Variants in PPIG observed in about 807,000 individuals in gnomAD.
PPIG encodes the protein peptidylprolyl isomerase G, also known as peptidyl-prolyl cis-trans isomerase G.
PPIG carries 26 observed loss-of-function variants against 87.9 expected under a neutral mutation model. The observed-to-expected ratio is 0.30, with a 90% CI of 0.22 to 0.41. The LOEUF is 0.41. PPIG is among the 10% of genes least tolerant of loss of function. The pLI is 1.00. For synonymous variants in PPIG, 308 were observed against 276.5 expected, an observed-to-expected ratio of 1.11 and a Z score of -1.13; for missense variants, 722 against 879.4, an observed-to-expected ratio of 0.82 and a Z score of 2.26.
intron 9 of PPIG, among the ~76,000 whole-genome samples, chr2:169,629,373 T>G (rs959837037): frequency 6.6e-6 from 1 of 152,352 alleles, no homozygotes; most frequent in East Asian, 1.9e-4. Flanking sequence ...TCCTAAATAC[T>G]AAAAATCCTG....
chr2:169,636,285 A>T, intron 13 of PPIG, 57 bp downstream of exon 13: 1 of 1,518,634 alleles, frequency 6.6e-7, no homozygotes, highest in Non-Finnish European at 8.8e-7. Context: ...TTTTACTATT[A>T]TACATAAAGT....
intron 10 of PPIG, chr2:169,631,499 G>C (rs1657678895): frequency 1.8e-5 from 18 of 1,009,038 alleles, no homozygotes; most frequent in Non-Finnish European, 2.3e-5. Flanking sequence ...AGAGTGCATT[G>C]CTCACATAGT....
chr2:169,636,736 A>T lies in PPIG; in HGVS notation c.1478A>T (p.Asp493Val), dbSNP rs1574467749. The T allele has an allele frequency of 1.9e-6, 3 of 1,612,438 alleles. No individual in the cohort carries two copies. The East Asian group carries it at 6.7e-5, about 36-fold the overall frequency. Residue 493 changes from aspartate to valine, a missense_variant, in exon 14 of 14, where the codon GAT becomes GTT. Around this residue, in one of 4 missense-constraint regions of PPIG, gnomAD observed 476 missense variants for 483.1 expected, o/e 0.99. Coordinates refer to ENST00000260970, the MANE Select transcript of PPIG (RefSeq NM_004792.3). ...ATGAGGTCAAGGAGTAAAGGAAGGG[A>T]TCATGAAAATGTTAAAGAAAAAGAA... ...KRMRSRSKGR[D>V]HENVKEKEKQ...
At chr2:169,586,092 A>G (rs1342563670) in intron 1 of PPIG, among the ~76,000 whole-genome samples, 1 of 152,108 alleles carries the variant, frequency 6.6e-6, no homozygotes, top group Non-Finnish European at 1.5e-5. Context: ...ACGAGTTGGG[A>G]CAGAATTATT....
At position 169,637,340 on chromosome 2, in the gene PPIG, A is replaced by C; in HGVS notation, c.2082A>C (p.Gln694His). 2 of 1,607,014 alleles carry C rather than the reference A, an allele frequency of 1.2e-6. No individual in the cohort carries two copies. The highest frequency in any genetic ancestry group is 8.5e-7 in the Non-Finnish European group (1 of 1,178,536). The change falls in exon 14 of 14, where the codon CAA (glutamine) becomes CAC (histidine). Residue 694 changes from glutamine (Q) to histidine (H), a missense_variant. Around this residue, in one of 4 missense-constraint regions of PPIG, gnomAD observed 476 missense variants for 483.1 expected, o/e 0.99. Transcript: ENST00000260970. ...AAAGTCCCTTCTCAAAAATAAAACAAAGCAGTCAGGACAATGAATTAAAGT... is the reference window on the plus strand; with the variant it reads ...AAAGTCCCTTCTCAAAAATAAAACACAGCAGTCAGGACAATGAATTAAAGT... ...RDQSPFSKIKQSSQDNELKSS... is the reference protein window; with the variant it reads ...RDQSPFSKIKHSSQDNELKSS...
At chr2:169,631,009 T>A (rs750823357) in intron 10 of PPIG, 22 bp downstream of exon 10, 1 of 1,534,040 alleles carries the variant, frequency 6.5e-7, no homozygotes, top group African/African-American at 1.4e-5. Context: ...ACTTTTCTAA[T>A]GCTAGCTTTA....
intron 4 of PPIG, among the ~76,000 whole-genome samples, chr2:169,604,582 T>C (rs1685269417): frequency 6.6e-6 from 1 of 152,056 alleles, no homozygotes; most frequent in Admixed American, 6.6e-5. Context: ...CTTAGAAATA[T>C]TATGGCTGGG....
chr2:169,599,382 C>G (rs1338146621), intron 1 of PPIG, among the ~76,000 whole-genome samples: 1 of 151,612 alleles, frequency 6.6e-6, no homozygotes, highest in Non-Finnish European at 1.5e-5. Flanking sequence ...TTTTAAAAAG[C>G]TTATTTTCTT....
At chr2:169,591,990 G>C (rs1474877105) in intron 1 of PPIG, among the ~76,000 whole-genome samples, 1 of 123,646 alleles carries the variant, frequency 8.1e-6, no homozygotes, top group African/African-American at 3.1e-5. Flanking sequence ...GTAGTGGCAT[G>C]ATGACTGCTC....
At chr2:169,591,330 T>C (rs890451165) in intron 1 of PPIG, among the ~76,000 whole-genome samples, 2 of 152,210 alleles carry the variant, frequency 1.3e-5, no homozygotes, top group African/African-American at 4.8e-5. Context: ...CAGAAGTTTA[T>C]AAATGATAGC....
At chr2:169,631,410 C>G in intron 10 of PPIG, 1 of 330,176 alleles carries the variant, frequency 3.0e-6, no homozygotes, top group Non-Finnish European at 5.1e-6. Flanking sequence ...TGTGTTTGTA[C>G]TAAAACTTGT....
At chr2:169,617,571 A>G (rs1685636737) in intron 9 of PPIG, among the ~76,000 whole-genome samples, 1 of 152,170 alleles carries the variant, frequency 6.6e-6, no homozygotes, top group Non-Finnish European at 1.5e-5. Context: ...GAGGTCCTTC[A>G]CATCCCGTGT....
intron 9 of PPIG, 117 bp downstream of exon 9, chr2:169,614,841 T>A: frequency 1.7e-6 from 2 of 1,206,562 alleles, no homozygotes; most frequent in Non-Finnish European, 2.3e-6. Flanking sequence ...GTTTTTGTTT[T>A]AAAATGTATT....
chr2:169,608,548 A>C, intron 6 of PPIG, 123 bp from the exon 7 acceptor site: 1 of 537,616 alleles, frequency 1.9e-6, no homozygotes, highest in Non-Finnish European at 3.4e-6. Flanking sequence ...TCATAACCTA[A>C]CTTTATTATC....
At chr2:169,593,424 G>A (rs1355741515) in intron 1 of PPIG, among the ~76,000 whole-genome samples, 3 of 151,880 alleles carry the variant, frequency 2.0e-5, no homozygotes, top group Non-Finnish European at 4.4e-5. Flanking sequence ...ATGAACTCCT[G>A]ACCTCAGGTG....
At chr2:169,594,631 T>TC (rs1461301943) in intron 1 of PPIG, among the ~76,000 whole-genome samples, 1 of 142,936 alleles carries the variant, frequency 7.0e-6, no homozygotes, top group Non-Finnish European at 1.5e-5. Flanking sequence ...TTTTCTTTTT[T>TC]TTTTTTTTTT....
intron 9 of PPIG, among the ~76,000 whole-genome samples, chr2:169,621,289 TA>T (rs996329326): frequency 6.6e-6 from 1 of 152,068 alleles, no homozygotes; most frequent in Non-Finnish European, 1.5e-5. Context: ...AATGATTATT[TA>T]AAAAAATTTT....
rs537257849 is a variant in PPIG, at chr2:169,615,751, G to A, written c.547+1027G>A. Among the ~76,000 whole-genome samples the A allele has an allele frequency of 2.6e-5, 4 of 152,328 alleles. No individual in the cohort carries two copies. The South Asian group carries it at 6.2e-4, about 24-fold the overall frequency. ...CTTAGCTATTGTGAATAATGCAGCAGTGAACATGAGAGTGAGATATCTCTT... is the reference window on the plus strand; with the variant it reads ...CTTAGCTATTGTGAATAATGCAGCAATGAACATGAGAGTGAGATATCTCTT... On this transcript the variant is annotated intron_variant, in intron 9 of 13. Coordinates refer to ENST00000260970, the MANE Select transcript of PPIG (RefSeq NM_004792.3).
chr2:169,599,219 A>G (rs1277152541), intron 1 of PPIG, among the ~76,000 whole-genome samples: 4 of 152,108 alleles, frequency 2.6e-5, no homozygotes, highest in African/African-American at 9.7e-5. Flanking sequence ...TGTCAATCCA[A>G]TTGGTGAAAA....
Sources: gnomAD v4.1 joint callset for allele counts (sites outside exome capture counted in the v4.1 genomes callset) on GRCh38, gnomAD v4.1.1 for gene constraint, gnomAD v4.1.1 regional missense constraint, MANE v1.5 for transcripts, NCBI Gene and HGNC (gene_info 2026-07-23, HGNC 2026-07-21) for gene names.